XPO7: variants seen among roughly 807,000 people sequenced by gnomAD.
The protein encoded by XPO7 is exportin 7, also known as exportin-7.
Under a neutral mutation model 144.3 loss-of-function variants are expected in XPO7, and 21 were observed. The ratio of observed to expected loss-of-function variants is 0.15; its 90% confidence interval spans 0.10 to 0.21. The LOEUF (loss-of-function observed/expected upper bound fraction) is 0.21. XPO7 is among the 10% of genes least tolerant of loss of function. XPO7 has a pLI of 1.00. For synonymous variants in XPO7, 580 were observed against 499.6 expected, an observed-to-expected ratio of 1.16 and a Z score of -2.15; for missense variants, 808 against 1,325.8, an observed-to-expected ratio of 0.61 and a Z score of 6.06.
intron 21 of XPO7, among the ~76,000 whole-genome samples, chr8:21,995,929 C>T (rs1439017067): frequency 6.6e-6 from 1 of 152,170 alleles, no homozygotes; most frequent in Non-Finnish European, 1.5e-5. Flanking sequence ...CATTCCCCTG[C>T]CTCAGCCTCC....
At chr8:21,946,098 T>C (rs1253578523) in intron 1 of XPO7, among the ~76,000 whole-genome samples, 1 of 152,156 alleles carries the variant, frequency 6.6e-6, no homozygotes, top group East Asian at 1.9e-4. Flanking sequence ...GATGAGCTTA[T>C]AAACAAAAAC....
chr8:21,959,620 T>C (rs1811655813), intron 1 of XPO7, among the ~76,000 whole-genome samples: 1 of 152,170 alleles, frequency 6.6e-6, no homozygotes, highest in Admixed American at 6.5e-5. Flanking sequence ...CCAATTTATT[T>C]TTTTAAAATA....
At chr8:21,951,018 C>T (rs1217853613) in intron 1 of XPO7, among the ~76,000 whole-genome samples, 1 of 151,870 alleles carries the variant, frequency 6.6e-6, no homozygotes, top group Non-Finnish European at 1.5e-5. Context: ...ATCACAGCTA[C>T]CCAAGAGGCG....
At chr8:21,949,717 T>TTTGTTG (rs1338663252) in intron 1 of XPO7, among the ~76,000 whole-genome samples, 1 of 63,304 alleles carries the variant, frequency 1.6e-5, no homozygotes, top group South Asian at 3.2e-4. Context: ...GGCCAGGCTG[T>TTTGTTG]TTGTTGTTGT....
chr8:21,983,132 G>A (rs1376320195), intron 11 of XPO7, among the ~76,000 whole-genome samples: 1 of 152,162 alleles, frequency 6.6e-6, no homozygotes, highest in Non-Finnish European at 1.5e-5. Flanking sequence ...ATAAGATATA[G>A]ATGATAAGAA....
intron 5 of XPO7, among the ~76,000 whole-genome samples, chr8:21,973,322 GA>G (rs1812126260): frequency 6.6e-6 from 1 of 152,162 alleles, no homozygotes; most frequent in Admixed American, 6.5e-5. Context: ...AAAACTTCAA[GA>G]TTTTACTTTT....
chr8:21,953,042 C>T (rs939244965), intron 1 of XPO7, among the ~76,000 whole-genome samples: 68 of 151,738 alleles, frequency 4.5e-4, no homozygotes, highest in African/African-American at 1.5e-3. Context: ...CCCCTGCCCC[C>T]GCCCATTAAC....
chr8:22,003,365 C>T (rs759607589), intron 26 of XPO7, 48 bp downstream of exon 26: 86 of 1,457,246 alleles, frequency 5.9e-5, no homozygotes, highest in Admixed American at 4.1e-4. Flanking sequence ...GTGGCAACCA[C>T]GCACTTGGTA....
intron 1 of XPO7, among the ~76,000 whole-genome samples, chr8:21,962,624 C>T (rs907016489): frequency 8.5e-5 from 13 of 152,074 alleles, no homozygotes; most frequent in African/African-American, 3.1e-4. Context: ...TGGTTGTGGT[C>T]AAAATTTCCA....
At chr8:21,990,242 T>C in intron 16 of XPO7, 102 bp from the exon 17 acceptor site, 1 of 1,185,146 alleles carries the variant, frequency 8.4e-7, no homozygotes, top group Non-Finnish European at 1.2e-6. Flanking sequence ...TTTTAAAAAA[T>C]AAGATATTTG....
rs184282903 is a variant in XPO7 at position 21,920,109 on chromosome 8, C to T, written c.18+321C>T. Among the ~76,000 whole-genome samples the T allele has an allele frequency of 5.6e-3, 845 of 152,020 alleles. 12 individuals are homozygous for T. Among genetic ancestry groups the T allele is most frequent in the African/African-American group, 0.02 (821 of 41,494 alleles). On this transcript the variant is annotated intron_variant, in intron 1 of 27. Transcript: ENST00000252512. ...CCCCGGGGGAGGCCTCCGTCAAGTC[C>T]TCGGGCCCCCCCGCCCGCCCCCCGG...
intron 8 of XPO7, among the ~76,000 whole-genome samples, chr8:21,978,561 G>A (rs1812300434): frequency 1.3e-5 from 2 of 152,184 alleles, no homozygotes; most frequent in South Asian, 4.1e-4. Flanking sequence ...CGGGTGTATC[G>A]TTAAGGTTAC....
At chr8:21,959,810 T>G (rs1377562829) in intron 1 of XPO7, among the ~76,000 whole-genome samples, 1 of 152,154 alleles carries the variant, frequency 6.6e-6, no homozygotes, top group Non-Finnish European at 1.5e-5. Context: ...CAAAATGCAT[T>G]TACTTTACCT....
At chr8:21,999,767 G>C (rs1813076510) in intron 24 of XPO7, 93 bp downstream of exon 24, 3 of 1,502,232 alleles carry the variant, frequency 2.0e-6, no homozygotes, top group Non-Finnish European at 2.7e-6. Flanking sequence ...TGTCCAAAAA[G>C]ATCACCACTG....
chr8:21,963,346 A>C (rs1443313747), intron 1 of XPO7, among the ~76,000 whole-genome samples: 1 of 152,212 alleles, frequency 6.6e-6, no homozygotes, highest in Admixed American at 6.5e-5. Context: ...TAAAAGCAAG[A>C]ATCGTAGTCT....
chr8:21,969,671 C>T, intron 3 of XPO7, 95 bp downstream of exon 3: 1 of 1,162,442 alleles, frequency 8.6e-7, no homozygotes, highest in Non-Finnish European at 1.2e-6. Context: ...CAATGATATG[C>T]TGAGATTGCT....
intron 1 of XPO7, among the ~76,000 whole-genome samples, chr8:21,958,910 G>A (rs574181257): frequency 6.7e-6 from 1 of 149,834 alleles, no homozygotes; most frequent in South Asian, 2.1e-4. Context: ...GCAGTGAGCC[G>A]AGTTCGCGCC....
At chr8:21,927,725 A>C (rs1409587349) in intron 1 of XPO7, among the ~76,000 whole-genome samples, 5 of 152,010 alleles carry the variant, frequency 3.3e-5, no homozygotes, top group African/African-American at 1.2e-4. Flanking sequence ...TTGTATTTTT[A>C]GTAGAGACGG....
At position 21,991,941 on chromosome 8, in the gene XPO7, T is replaced by C; in HGVS notation, c.2115T>C (p.Phe705=). 1 of 1,613,674 alleles carries C rather than the reference T, an allele frequency of 6.2e-7. No homozygotes were observed. The highest frequency in any genetic ancestry group is 1.7e-5 in the Admixed American group (1 of 59,902). ...CATTTGAGGCTGTGGCCCAGATGTT[T>C]AGCACCAATAGTTTCAACGAGCAGG... The part of the protein sequence containing the change: ...TAAFEAVAQM[F]STNSFNEQEA... Residue 705 remains phenylalanine, a synonymous_variant, in exon 19 of 28, where the codon TTT becomes TTC. Transcript: ENST00000252512.
Sources: gnomAD v4.1 joint callset for allele counts (sites outside exome capture counted in the v4.1 genomes callset) on GRCh38, gnomAD v4.1.1 for gene constraint, MANE v1.5 for transcripts, NCBI Gene and HGNC (gene_info 2026-07-23, HGNC 2026-07-21) for gene names.